Variants in HS6ST2 observed in about 807,000 individuals in gnomAD.
The protein encoded by HS6ST2 is heparan sulfate 6-O-sulfotransferase 2.
Under a neutral mutation model 33.0 loss-of-function variants are expected in HS6ST2, and 17 were observed. The observed-to-expected ratio is 0.52, with a 90% confidence interval of 0.35 to 0.77. The LOEUF (loss-of-function observed/expected upper bound fraction) is 0.77, where lower values mean the gene tolerates loss of function less well. Among genes scored for constraint, HS6ST2 ranks in the 30% least tolerant of loss-of-function variants. The pLI is 0.01. For synonymous variants in HS6ST2, 248 were observed against 237.1 expected (o/e 1.05, Z -0.42); for missense variants, 519 against 551.7 (o/e 0.94, Z 0.59).
chrX:132,793,047 C>G (rs2065132993), intron 2 of HS6ST2, among the ~76,000 whole-genome samples: 1 of 84,180 alleles, frequency 1.2e-5, no homozygotes, highest in Admixed American at 1.3e-4. Flanking sequence ...CAAATAAACT[C>G]CTTTTTTTTT....
intron 4 of HS6ST2, among the ~76,000 whole-genome samples, chrX:132,655,461 C>G (rs1206533249): frequency 9.0e-6 from 1 of 111,680 alleles, no homozygotes; most frequent in Non-Finnish European, 1.9e-5. Context: ...AGTTATTCTC[C>G]CCATTTTACA....
chrX:132,669,414 C>A, intron 3 of HS6ST2: 1 of 293,804 alleles, frequency 3.4e-6, no homozygotes, highest in Non-Finnish European at 5.8e-6. Context: ...TGGTCAAGTT[C>A]AAAGAAAGCT....
At chrX:132,915,926 G>C (rs1216090885) in intron 2 of HS6ST2, among the ~76,000 whole-genome samples, 4 of 108,716 alleles carry the variant, frequency 3.7e-5, no homozygotes, top group Admixed American at 9.9e-5. Context: ...GTAGAGACAG[G>C]GTTTCACCAC....
intron 2 of HS6ST2, among the ~76,000 whole-genome samples, chrX:132,837,809 A>C (rs1008280179): frequency 1.8e-5 from 2 of 112,072 alleles, no homozygotes; most frequent in Admixed American, 1.9e-4. Flanking sequence ...TCATCCTTTC[A>C]TCTCACAACC....
intron 2 of HS6ST2, among the ~76,000 whole-genome samples, chrX:132,944,832 A>T (rs1005954190): frequency 5.4e-5 from 6 of 110,580 alleles, no homozygotes; most frequent in African/African-American, 2.0e-4. Context: ...TCCCTTCCTT[A>T]CACCTTATAC....
chrX:132,880,036 T>A (rs1236094123), intron 2 of HS6ST2, among the ~76,000 whole-genome samples: 1 of 111,773 alleles, frequency 8.9e-6, no homozygotes, highest in East Asian at 2.8e-4. Flanking sequence ...GAAGCCCCTC[T>A]GCAGAATGAA....
At chrX:132,675,217 A>G (rs988908101) in intron 3 of HS6ST2, among the ~76,000 whole-genome samples, 16 of 110,687 alleles carry the variant, frequency 1.4e-4, no homozygotes, top group African/African-American at 3.9e-4. Context: ...CTGGAGCTCA[A>G]GAAGAAAGAC....
chrX:132,892,853 G>A lies in HS6ST2; in HGVS notation c.947+63955C>T, dbSNP rs750165262. 5.4e-5 allele frequency among the ~76,000 whole-genome samples: 6 copies of A among 111,318 alleles called. No homozygotes were observed. The South Asian group carries it at 2.3e-3, about 43-fold the overall frequency. On this transcript the variant is annotated intron_variant, in intron 2 of 4. Coordinates refer to ENST00000370833, the MANE Select transcript of HS6ST2 (RefSeq NM_001394073.1). ...CCCAAACACACAAATAAATAAAATG[G>A]CAAAGTATTTGTGTATAACCTCTAC...
At chrX:132,658,176 T>C (rs1223037615) in intron 4 of HS6ST2, among the ~76,000 whole-genome samples, 1 of 111,467 alleles carries the variant, frequency 9.0e-6, no homozygotes, top group Non-Finnish European at 1.9e-5. Flanking sequence ...CTGCTGAAAG[T>C]ACCCAGACAT....
At chrX:132,818,077 T>C (rs2065412220) in intron 2 of HS6ST2, among the ~76,000 whole-genome samples, 2 of 111,591 alleles carry the variant, frequency 1.8e-5, no homozygotes, top group Non-Finnish European at 3.8e-5. Flanking sequence ...TTATGGATAC[T>C]GAAAGGCTCT....
chrX:132,880,237 G>A (rs1041633593), intron 2 of HS6ST2, among the ~76,000 whole-genome samples: 1 of 111,105 alleles, frequency 9.0e-6, no homozygotes, highest in Non-Finnish European at 1.9e-5. Flanking sequence ...ATAAATACTG[G>A]TAAAAAAGTT....
At chrX:132,663,834 C>A (rs1395034929) in intron 4 of HS6ST2, among the ~76,000 whole-genome samples, 1 of 111,728 alleles carries the variant, frequency 9.0e-6, no homozygotes, top group Non-Finnish European at 1.9e-5. Context: ...GCAACAGTCA[C>A]AACCCAATGT....
chrX:132,659,287 CT>C (rs1210851483), intron 4 of HS6ST2, among the ~76,000 whole-genome samples: 11 of 111,931 alleles, frequency 9.8e-5, no homozygotes, highest in Admixed American at 6.6e-4. Flanking sequence ...CCTCATTTTT[CT>C]TTTTTCGTTT....
intron 2 of HS6ST2, among the ~76,000 whole-genome samples, chrX:132,852,898 T>A (rs1291816987): frequency 8.9e-6 from 1 of 112,031 alleles, no homozygotes; most frequent in Admixed American, 9.4e-5. Flanking sequence ...TCCTTGATCA[T>A]CCCTGAAATC....
At chrX:132,834,535 A>G (rs1412520925) in intron 2 of HS6ST2, among the ~76,000 whole-genome samples, 4 of 112,465 alleles carry the variant, frequency 3.6e-5, no homozygotes, top group African/African-American at 1.3e-4. Flanking sequence ...TGGCCAAGTT[A>G]AAGAAAAGCA....
chrX:132,907,117 GC>G (rs768951260), intron 2 of HS6ST2, among the ~76,000 whole-genome samples: 60 of 112,385 alleles, frequency 5.3e-4, no homozygotes, highest in African/African-American at 1.9e-3. Flanking sequence ...TTCTTGTACT[GC>G]CTACAGAACC....
chrX:132,812,586 G>T (rs938105159), intron 2 of HS6ST2, among the ~76,000 whole-genome samples: 2 of 104,997 alleles, frequency 1.9e-5, no homozygotes, highest in African/African-American at 3.5e-5. Context: ...TTTTTTTTGG[G>T]GGGGGGAGAA....
chrX:132,674,355 C>T (rs1009156145), intron 3 of HS6ST2, among the ~76,000 whole-genome samples: 1 of 111,925 alleles, frequency 8.9e-6, no homozygotes, highest in East Asian at 2.8e-4. Flanking sequence ...CTGTCTTAGT[C>T]TTCTTATCTA....
chrX:132,865,935 T>A (rs1197891459), intron 2 of HS6ST2, among the ~76,000 whole-genome samples: 1 of 112,029 alleles, frequency 8.9e-6, no homozygotes, highest in Non-Finnish European at 1.9e-5. Flanking sequence ...AGGTTGCCTG[T>A]TCACTCTGAT....
Sources: allele counts gnomAD v4.1 joint callset (sites outside exome capture counted in the v4.1 genomes callset), GRCh38; gene constraint gnomAD v4.1.1; transcripts MANE v1.5; gene names NCBI Gene and HGNC (gene_info 2026-07-23, HGNC 2026-07-21).